The following AIFM1 variants were observed in gnomAD, a reference collection of about 807,000 sequenced individuals.
The protein encoded by AIFM1 is apoptosis inducing factor mitochondria associated 1.
A neutral mutation model predicts 51.7 loss-of-function variants in AIFM1; 3 were observed. That is an observed-to-expected ratio of 0.06 (90% CI 0.03 to 0.15). AIFM1 has a LOEUF of 0.15. AIFM1 is among the 10% of genes least tolerant of loss of function. The probability of loss-of-function intolerance (pLI) is 1.00; values close to 1 mark genes in which losing one functional copy is unlikely to be tolerated. For missense variants in AIFM1, 330 were observed against 476.8 expected (o/e 0.69, Z 2.87); for synonymous variants, 178 against 179.4 (o/e 0.99, Z 0.06).
At chrX:130,153,684 C>T (rs761319002) in intron 2 of AIFM1, among the ~76,000 whole-genome samples, 9 of 110,482 alleles carry the variant, frequency 8.1e-5, no homozygotes, top group African/African-American at 2.0e-4. Flanking sequence ...GGGAAGACAC[C>T]GGAGTTCCCT....
chrX:130,137,502 A>T (rs1441339803), intron 9 of AIFM1: 28 of 1,165,919 alleles, frequency 2.4e-5, no homozygotes, highest in Non-Finnish European at 3.2e-5. Context: ...CATCCTCCTG[A>T]AAAGATGCCC....
chrX:130,133,180 G>A, intron 13 of AIFM1, 133 bp downstream of exon 13: 1 of 813,177 alleles, frequency 1.2e-6, no homozygotes, highest in Non-Finnish European at 1.9e-6. Flanking sequence ...AGAATGTGTG[G>A]ACATAAGATG....
At chrX:130,145,026 A>G (rs975502837) in intron 6 of AIFM1, among the ~76,000 whole-genome samples, 8 of 112,390 alleles carry the variant, frequency 7.1e-5, no homozygotes, top group African/African-American at 2.6e-4. Context: ...ACAATAAAAT[A>G]TAACAAAACC....
At chrX:130,144,413 C>T (rs1277405964) in intron 6 of AIFM1, among the ~76,000 whole-genome samples, 1 of 112,232 alleles carries the variant, frequency 8.9e-6, no homozygotes, top group African/African-American at 3.2e-5. Context: ...CATAACTTCT[C>T]AGGTTCATCT....
chrX:130,145,994 A>C (rs757920877), intron 5 of AIFM1, among the ~76,000 whole-genome samples: 5 of 112,378 alleles, frequency 4.4e-5, no homozygotes, highest in Non-Finnish European at 9.4e-5. Context: ...AAGTAAGAAC[A>C]AGTGGAGCAC....
At chrX:130,150,571 G>A (rs1230025032) in intron 2 of AIFM1, among the ~76,000 whole-genome samples, 2 of 105,396 alleles carry the variant, frequency 1.9e-5, no homozygotes, top group Non-Finnish European at 3.9e-5. Flanking sequence ...TCCTGACCTC[G>A]TGATCTGCCC....
At chrX:130,161,130 G>A (rs2031333105) in intron 1 of AIFM1, among the ~76,000 whole-genome samples, 1 of 110,933 alleles carries the variant, frequency 9.0e-6, no homozygotes, top group South Asian at 3.8e-4. Flanking sequence ...CTTCACAATT[G>A]AGGCACCCAG....
intron 9 of AIFM1, chrX:130,137,391 T>A: frequency 8.6e-7 from 1 of 1,156,660 alleles, no homozygotes; most frequent in South Asian, 2.0e-5. Context: ...GTATCAGAAC[T>A]GCTGGCCCCA....
chrX:130,154,424 G>A (rs2031098156), intron 2 of AIFM1, among the ~76,000 whole-genome samples: 1 of 112,160 alleles, frequency 8.9e-6, no homozygotes, highest in South Asian at 3.7e-4. Context: ...GAATGGGGTG[G>A]AACTGATGGG....
chrX:130,153,301 C>T (rs375301029), intron 2 of AIFM1, among the ~76,000 whole-genome samples: 2 of 99,647 alleles, frequency 2.0e-5, no homozygotes, highest in African/African-American at 3.7e-5. Context: ...ATCAGTTAGC[C>T]GAGATCGCGC....
chrX:130,150,073 T>A (rs1422104347), intron 2 of AIFM1, among the ~76,000 whole-genome samples: 1 of 111,251 alleles, frequency 9.0e-6, no homozygotes, highest in African/African-American at 3.3e-5. Flanking sequence ...GCCTGTATTC[T>A]ATTTTTAGAG....
chrX:130,158,926 T>C (rs1010260305), intron 1 of AIFM1, among the ~76,000 whole-genome samples: 2 of 110,504 alleles, frequency 1.8e-5, no homozygotes, highest in African/African-American at 3.3e-5. Flanking sequence ...CCCCTTGCTT[T>C]CATAACGTTA....
chrX:130,154,976 T>C (rs765719051), intron 2 of AIFM1, among the ~76,000 whole-genome samples: 40 of 112,526 alleles, frequency 3.6e-4, no homozygotes, highest in Non-Finnish European at 4.5e-4. Flanking sequence ...CTGGTAGGAC[T>C]TCAACAGTTT....
chrX:130,143,027 C>G (rs904737746), intron 6 of AIFM1, among the ~76,000 whole-genome samples: 4 of 111,927 alleles, frequency 3.6e-5, no homozygotes, highest in African/African-American at 1.3e-4. Flanking sequence ...AACCTTGGCT[C>G]CTGTCCTCAG....
rs371944474 is a variant in AIFM1, at chrX:130,137,148, G to A, written c.1005C>T (p.Pro335=). The change falls in exon 10 of 16, where the codon CCC becomes CCT. Residue 335 remains proline, a synonymous_variant. Coordinates refer to ENST00000287295, the MANE Select transcript of AIFM1 (RefSeq NM_004208.4). The part of the protein sequence containing the change: ...ALGTEVIQLF[P]EKGNMGKILP... The stretch of plus-strand genomic sequence containing the variant: ...GGATCTTTCCCATATTTCCTTTCTC[G>A]GGGAAGAGTTGAATCACTTCTGTGC... The A allele has an allele frequency of 2.0e-5, 24 of 1,209,499 alleles. No individual in the cohort carries two copies. Among genetic ancestry groups the A allele is most frequent in the African/African-American group, 7.0e-5 (4 of 56,969 alleles).
At chrX:130,158,908 G>A (rs1207381680) in intron 1 of AIFM1, among the ~76,000 whole-genome samples, 1 of 110,356 alleles carries the variant, frequency 9.1e-6, no homozygotes, top group Non-Finnish European at 1.9e-5. Context: ...GATTAGAGAA[G>A]GAATTTCCCC....
At chrX:130,136,877 T>G in intron 10 of AIFM1, 146 bp from the exon 11 acceptor site, 1 of 1,004,719 alleles carries the variant, frequency 1.0e-6, no homozygotes, top group Non-Finnish European at 1.4e-6. Flanking sequence ...CCTACACCCA[T>G]GGTTCATTTT....
At chrX:130,142,132 G>A in intron 6 of AIFM1, among the ~76,000 whole-genome samples, 1 of 111,855 alleles carries the variant, frequency 8.9e-6, no homozygotes, top group Non-Finnish European at 1.9e-5. Flanking sequence ...AGAGTTTAGT[G>A]GCCAAGACAA....
chrX:130,156,715 C>T lies in AIFM1; in HGVS notation c.107-112G>A, dbSNP rs2031174640. On this transcript the variant is annotated intron_variant, in intron 1 of 15. Transcript: ENST00000287295. ...AGACTTATTGCCCACAGATATTCAC[C>T]GTTAAATGATCAAGAAAAATATCAT... 4 of 839,376 alleles carry T rather than the reference C, an allele frequency of 4.8e-6. No individual in the cohort carries two copies. The South Asian group carries it at 6.5e-5, about 14-fold the overall frequency. 69.2% of individuals were successfully genotyped at this position (839,376 alleles called of 1,213,427 possible).
Sources: allele counts gnomAD v4.1 joint callset (sites outside exome capture counted in the v4.1 genomes callset), GRCh38; gene constraint gnomAD v4.1.1; transcripts MANE v1.5; gene names NCBI Gene and HGNC (gene_info 2026-07-23, HGNC 2026-07-21).